POLN: variants seen among roughly 807,000 people sequenced by gnomAD.
POLN encodes the protein DNA polymerase N.
Under a neutral mutation model 113.5 loss-of-function variants are expected in POLN, and 108 were observed. The observed-to-expected ratio is 0.95, with a 90% CI of 0.81 to 1.12. The LOEUF (loss-of-function observed/expected upper bound fraction) is 1.12, where lower values mean the gene tolerates loss of function less well. POLN is among the 50% of genes most tolerant of loss of function. POLN has a pLI of 0.00. For missense variants in POLN, 1,097 were observed against 1,077.1 expected (o/e 1.02, Z -0.26); for synonymous variants, 386 against 391.5 (o/e 0.99, Z 0.17).
chr4:2,079,728 G>C, intron 23 of POLN: 1 of 737,524 alleles, frequency 1.4e-6, no homozygotes, highest in African/African-American at 1.9e-5. Context: ...GGGATTACAG[G>C]TGTGCGCCAC....
chr4:2,197,455 G>A (rs1733608362), intron 6 of POLN, among the ~76,000 whole-genome samples: 1 of 152,128 alleles, frequency 6.6e-6, no homozygotes, highest in African/African-American at 2.4e-5. Context: ...GCTCATGGAG[G>A]GCTGACACTG....
At chr4:2,186,459 G>A (rs1381236391) in intron 7 of POLN, among the ~76,000 whole-genome samples, 4 of 152,170 alleles carry the variant, frequency 2.6e-5, no homozygotes, top group Non-Finnish European at 4.4e-5. Flanking sequence ...CCCATACTGC[G>A]AGGTATTCCC....
Position 2,198,737 on chromosome 4 carries a change from T to C in POLN, c.715-20A>G, listed in dbSNP as rs745975350. On this transcript the variant is annotated intron_variant, in intron 5 of 25. Coordinates refer to ENST00000511885, the MANE Select transcript of POLN (RefSeq NM_181808.4). ...GGGGGTCTGTGGAAACACAACAAAA[T>C]AAATTAAACCCAGACAACATATCTG... The C allele has an allele frequency of 5.1e-6, 8 of 1,573,490 alleles. No individual in the cohort carries two copies. In the South Asian group the frequency reaches 9.4e-5, roughly 18 times the overall value.
In POLN at chr4:2,093,960, TG is replaced by T. The variant is rs1301392411; in HGVS notation, c.2065+1890del. On this transcript the variant is annotated intron_variant, in intron 20 of 25. Transcript: ENST00000511885. This position sits in a 1 kb window ranked among gnomAD's most constrained non-coding sequence, Gnocchi z 4.1. ...ATCTTTGAGGTACTCATGTTTGAGC[TG>T]GGGCATGAGACCATGAACAGGCGAG... Among the ~76,000 whole-genome samples, 3 of 152,194 alleles carry T rather than the reference TG, an allele frequency of 2.0e-5. No individual in the cohort carries two copies. The highest frequency in any genetic ancestry group is 2.9e-5 in the Non-Finnish European group (2 of 68,034).
At chr4:2,200,494 G>A (rs761452509) in intron 5 of POLN, among the ~76,000 whole-genome samples, 5 of 152,220 alleles carry the variant, frequency 3.3e-5, no homozygotes, top group Non-Finnish European at 5.9e-5. Flanking sequence ...CAAATACTGT[G>A]TTGGTATCCA....
chr4:2,222,984 C>T (rs1221791158), intron 3 of POLN, among the ~76,000 whole-genome samples: 1 of 152,144 alleles, frequency 6.6e-6, no homozygotes, highest in Non-Finnish European at 1.5e-5. Flanking sequence ...CTCCTGCCAC[C>T]AACTGTAGCA....
intron 16 of POLN, among the ~76,000 whole-genome samples, chr4:2,138,008 CTTGTATTT>C: frequency 6.6e-6 from 1 of 152,020 alleles, no homozygotes. Flanking sequence ...CCAGCTAATT[CTTGTATTT>C]TTGGTACAGA....
At chr4:2,176,627 T>C (rs945095268) in intron 8 of POLN, among the ~76,000 whole-genome samples, 4 of 152,182 alleles carry the variant, frequency 2.6e-5, no homozygotes, top group African/African-American at 9.7e-5. Context: ...AGAAGCTTAA[T>C]GTCTCAGGTA....
chr4:2,082,645 A>T (rs1194432015), intron 21 of POLN: 1 of 152,224 alleles, frequency 6.6e-6, no homozygotes, highest in Non-Finnish European at 1.5e-5. Flanking sequence ...CCACATCTAT[A>T]ATAATCATGA....
intron 5 of POLN, among the ~76,000 whole-genome samples, chr4:2,199,705 T>C (rs1163456809): frequency 2.6e-5 from 4 of 151,986 alleles, no homozygotes; most frequent in Non-Finnish European, 5.9e-5. Context: ...GCCTCCAGAG[T>C]AGCTGGGACT....
intron 13 of POLN, among the ~76,000 whole-genome samples, chr4:2,165,604 C>A (rs925374080): frequency 1.3e-5 from 2 of 151,590 alleles, no homozygotes; most frequent in Admixed American, 6.6e-5. Flanking sequence ...GGACTCTGGG[C>A]GATAACGATG....
intron 21 of POLN, among the ~76,000 whole-genome samples, chr4:2,084,818 G>T (rs1730510997): frequency 6.6e-6 from 1 of 152,238 alleles, no homozygotes; most frequent in African/African-American, 2.4e-5. Context: ...GCTGAGTGCT[G>T]TGAGTGCAAT....
chr4:2,082,804 A>T (rs972315173), intron 21 of POLN: 25 of 152,226 alleles, frequency 1.6e-4, no homozygotes, highest in African/African-American at 5.1e-4. Flanking sequence ...TTTTGGCCGG[A>T]TGCTGGGCAC....
At position 2,215,012 on chromosome 4, in the gene POLN, C is replaced by G. The variant is rs145479411; in HGVS notation, c.134-1886G>C. 3.7e-3 allele frequency among the ~76,000 whole-genome samples: 555 copies of G among 151,976 alleles called. 5 individuals carry two copies. The highest frequency in any genetic ancestry group is 0.012 in the African/African-American group (488 of 41,416). The stretch of plus-strand genomic sequence containing the variant: ...TAGGAAATAATATCCATCATCTAAC[C>G]AAATAATCTCTAACCAAATAATCTC... On this transcript the variant is annotated intron_variant, in intron 3 of 25. Coordinates refer to ENST00000511885, the MANE Select transcript of POLN (RefSeq NM_181808.4).
At chr4:2,171,009 T>A (rs1732847479) in intron 12 of POLN, 89 bp downstream of exon 12, 1 of 1,227,884 alleles carries the variant, frequency 8.1e-7, no homozygotes, top group Non-Finnish European at 1.2e-6. Flanking sequence ...ATAGTTGACA[T>A]AAAATAATAC....
At chr4:2,174,665 T>C in intron 10 of POLN, 26 bp downstream of exon 10, 1 of 1,571,214 alleles carries the variant, frequency 6.4e-7, no homozygotes, top group Non-Finnish European at 8.8e-7. Context: ...GAAAAATGGC[T>C]GTACTTCATC....
intron 4 of POLN, among the ~76,000 whole-genome samples, chr4:2,212,123 T>C (rs1734008519): frequency 6.6e-6 from 1 of 152,190 alleles, no homozygotes; most frequent in African/African-American, 2.4e-5. Context: ...GGTTGGGAGT[T>C]GAACACAGGT....
chr4:2,169,367 T>C (rs1053382549), intron 13 of POLN, among the ~76,000 whole-genome samples: 1 of 152,176 alleles, frequency 6.6e-6, no homozygotes, highest in African/African-American at 2.4e-5. Context: ...GAAAGGTCTA[T>C]GGTAGAGACG....
chr4:2,241,231 A>T, intron 2 of POLN: 1 of 330,928 alleles, frequency 3.0e-6, no homozygotes, highest in South Asian at 5.0e-5. Context: ...TGATGATGAT[A>T]AAGAGAAACA....
Sources: gnomAD v4.1 joint callset for allele counts (sites outside exome capture counted in the v4.1 genomes callset) on GRCh38, gnomAD v4.1.1 for gene constraint, Gnocchi (gnomAD v3.1) non-coding constraint, MANE v1.5 for transcripts, NCBI Gene and HGNC (gene_info 2026-07-23, HGNC 2026-07-21) for gene names.